The following ZNF280C variants were observed in gnomAD, a reference collection of about 807,000 sequenced individuals.
ZNF280C encodes the protein suppressor of hairy wing homolog 3.
A neutral mutation model predicts 53.6 loss-of-function variants in ZNF280C; 14 were observed. That is an observed-to-expected ratio of 0.26 (90% CI 0.17 to 0.41). The LOEUF (loss-of-function observed/expected upper bound fraction) is 0.41. Ranked by LOEUF, ZNF280C falls within the 10% of genes least tolerant of loss-of-function variation. The pLI, the probability that ZNF280C is intolerant of heterozygous loss-of-function variation, is 1.00. For missense variants in ZNF280C, 416 were observed against 547.1 expected (o/e 0.76, Z 2.39); for synonymous variants, 203 against 181.1 (o/e 1.12, Z -0.97).
At chrX:130,216,231 CA>C in intron 13 of ZNF280C, 130 bp from the exon 14 acceptor site, 3 of 532,508 alleles carry the variant, frequency 5.6e-6, no homozygotes, top group Non-Finnish European at 8.8e-6. Context: ...TCCAATGGGG[CA>C]AAAAATAGTC....
In ZNF280C at chrX:130,203,703, A is replaced by C. The variant is rs1374808716; in HGVS notation, c.*1274T>G. ...ATAAAGTGAATATCAGTATTGCTGA[A>C]AATTCCTAGAATATTGGATAAAACT... On this transcript the variant is annotated 3_prime_UTR_variant, in exon 19 of 19. Coordinates refer to ENST00000370978, the MANE Select transcript of ZNF280C (RefSeq NM_017666.5). The C allele has an allele frequency of 8.9e-6, 1 of 112,311 alleles. No individual in the cohort carries two copies. The highest frequency in any genetic ancestry group is 3.2e-5 in the African/African-American group (1 of 30,964). 9.3% of individuals were successfully genotyped at this position (112,311 alleles called of 1,213,427 possible).
intron 16 of ZNF280C, among the ~76,000 whole-genome samples, chrX:130,206,627 A>G (rs1488129144): frequency 9.0e-6 from 1 of 111,233 alleles, no homozygotes; most frequent in Non-Finnish European, 1.9e-5. Flanking sequence ...CGGCCTCCCA[A>G]AGTGCTGGGA....
chrX:130,229,009 A>G lies in ZNF280C; in HGVS notation c.1115T>C (p.Ile372Thr), dbSNP rs1309047288. ...CTCATGGGGAGTGTGTGTACTCTCA[A>G]TGTGGCACTGCAGTTGGAAGGGTGT... ...YPTPFQLQCH[I>T]ESTHTPHEFS... Residue 372 changes from isoleucine to threonine, a missense_variant, in exon 10 of 19, where the codon ATT becomes ACT. Ile to Thr is a moderately conservative substitution (Grantham distance 89). Coordinates refer to ENST00000370978, the MANE Select transcript of ZNF280C (RefSeq NM_017666.5). 8.3e-7 allele frequency: 1 copy of G among 1,207,723 alleles called. No homozygotes were observed. Among genetic ancestry groups the G allele is most frequent in the African/African-American group, 1.7e-5 (1 of 57,640 alleles).
At chrX:130,214,279 G>T (rs1339077992) in intron 15 of ZNF280C, among the ~76,000 whole-genome samples, 2 of 111,867 alleles carry the variant, frequency 1.8e-5, no homozygotes, top group Non-Finnish European at 3.8e-5. Flanking sequence ...CTTGTGTAGA[G>T]TAGACCATAG....
intron 5 of ZNF280C, among the ~76,000 whole-genome samples, chrX:130,241,076 A>T (rs1188268866): frequency 9.0e-6 from 1 of 111,551 alleles, no homozygotes; most frequent in African/African-American, 3.3e-5. Context: ...CAGATGAAGG[A>T]GCTGGAATCA....
intron 13 of ZNF280C, among the ~76,000 whole-genome samples, chrX:130,217,024 A>T (rs1031433577): frequency 2.7e-5 from 3 of 111,378 alleles, no homozygotes; most frequent in Non-Finnish European, 5.7e-5. Context: ...ACAAAAGAAC[A>T]AAAAAAGAAA....
At chrX:130,268,368 G>C (rs1227142634) in intron 1 of ZNF280C, among the ~76,000 whole-genome samples, 1 of 111,405 alleles carries the variant, frequency 9.0e-6, no homozygotes, top group Non-Finnish European at 1.9e-5. Context: ...GGGTGGGCGG[G>C]TCTCCGTCAA....
At chrX:130,253,763 A>G (rs2032537916) in intron 2 of ZNF280C, among the ~76,000 whole-genome samples, 1 of 112,113 alleles carries the variant, frequency 8.9e-6, no homozygotes, top group Admixed American at 9.5e-5. Flanking sequence ...AATCAACTCA[A>G]GATGGATCAA....
chrX:130,256,491 G>A (rs1020915586), intron 2 of ZNF280C, among the ~76,000 whole-genome samples: 1 of 111,266 alleles, frequency 9.0e-6, no homozygotes, highest in Non-Finnish European at 1.9e-5. Context: ...GGCAGAGGCA[G>A]AGGCATGAGA....
rs888124423 is a variant in ZNF280C at position 130,226,670 on chromosome X, T to C, written c.1395+89A>G. 46 of 935,663 alleles carry C rather than the reference T, an allele frequency of 4.9e-5. No homozygotes were observed. In the South Asian group the frequency reaches 8.4e-4, roughly 17 times the overall value. The allele number at this position is 935,663 out of a possible 1,213,427, so 77.1% of individuals were successfully genotyped here. A position where few individuals can be genotyped will look rare whatever the true frequency, so the allele number is the denominator to read the frequency against. On this transcript the variant is annotated intron_variant, in intron 12 of 18. Transcript: ENST00000370978. ...TCTAACCAATGTTCTACGTTATAGA[T>C]AGATATAGATGTAGCTATAGATCTA... is the stretch of plus-strand genomic sequence containing the variant.
intron 15 of ZNF280C, among the ~76,000 whole-genome samples, chrX:130,212,558 G>A (rs2124697430): frequency 1.1e-5 from 1 of 93,533 alleles, no homozygotes; most frequent in East Asian, 4.1e-4. Context: ...AGTACATCCA[G>A]TAGTTAGGAT....
chrX:130,222,331 C>CACACACACACACACACACA (rs60553619), intron 12 of ZNF280C, among the ~76,000 whole-genome samples: 1 of 103,907 alleles, frequency 9.6e-6, no homozygotes, highest in African/African-American at 3.5e-5. Context: ...CACACACACA[C>CACACACACACACACACACA]CCTTCTCTAC....
chrX:130,264,017 A>G (rs1195270023), intron 1 of ZNF280C, among the ~76,000 whole-genome samples: 1 of 91,133 alleles, frequency 1.1e-5, no homozygotes, highest in African/African-American at 4.2e-5. Flanking sequence ...AGAGTGAGAC[A>G]CCATCTCAAA....
In ZNF280C at chrX:130,215,834, G is replaced by A. The variant is rs754326978; in HGVS notation, c.1795C>T (p.Arg599Cys). 3.3e-5 allele frequency: 40 copies of A among 1,206,194 alleles called. No homozygotes were observed. The highest frequency in any genetic ancestry group is 2.2e-4 in the South Asian group (12 of 55,667). ...AGGCTCATTTTATTTTTTCTGTTGC[G>A]CTGTCGCTTTTGCTTGTAAGAGGGT... is the stretch of plus-strand genomic sequence containing the variant. ...AKPSYKQKRQ[R>C]NRKNKMSLAL... Residue 599 changes from arginine (R) to cysteine (C), a missense_variant, in exon 14 of 19, where the codon CGC becomes TGC. Arg to Cys is a radical substitution (Grantham distance 180). Coordinates refer to ENST00000370978, the MANE Select transcript of ZNF280C (RefSeq NM_017666.5).
At chrX:130,264,368 A>G (rs1034508112) in intron 1 of ZNF280C, among the ~76,000 whole-genome samples, 3 of 111,869 alleles carry the variant, frequency 2.7e-5, no homozygotes, top group African/African-American at 9.7e-5. Flanking sequence ...AAATTCATCA[A>G]TGGATTACCC....
intron 1 of ZNF280C, among the ~76,000 whole-genome samples, chrX:130,261,985 C>T (rs2032634973): frequency 9.0e-6 from 1 of 111,158 alleles, no homozygotes. Context: ...TGGCTTAACA[C>T]TTTAATTAAA....
chrX:130,226,535 G>A (rs1195559739), intron 12 of ZNF280C, among the ~76,000 whole-genome samples: 1 of 111,460 alleles, frequency 9.0e-6, no homozygotes, highest in Non-Finnish European at 1.9e-5. Context: ...GATTCTCAGT[G>A]TCACCAGAAA....
chrX:130,251,309 AC>A (rs1169856298), intron 2 of ZNF280C, among the ~76,000 whole-genome samples: 5 of 101,274 alleles, frequency 4.9e-5, no homozygotes, highest in African/African-American at 1.8e-4. Flanking sequence ...AAAAAAAAAG[AC>A]CAGCAATATT....
intron 11 of ZNF280C, 135 bp downstream of exon 11, chrX:130,227,543 CACTA>C: frequency 2.0e-6 from 1 of 493,861 alleles, no homozygotes; most frequent in East Asian, 3.7e-5. Context: ...AGGGGGTTTC[CACTA>C]ATGAAGAGGG....
Sources: allele counts gnomAD v4.1 joint callset (sites outside exome capture counted in the v4.1 genomes callset), GRCh38; gene constraint gnomAD v4.1.1; transcripts MANE v1.5; gene names NCBI Gene and HGNC (gene_info 2026-07-23, HGNC 2026-07-21).